HECW1: variants seen among roughly 807,000 people sequenced by gnomAD.
HECW1 encodes the protein E3 ubiquitin-protein ligase HECW1.
A neutral mutation model predicts 182.3 loss-of-function variants in HECW1; 61 were observed. The observed-to-expected ratio is 0.33, with a 90% confidence interval of 0.27 to 0.41. The LOEUF (loss-of-function observed/expected upper bound fraction) is 0.41. HECW1 is among the 10% of genes least tolerant of loss of function. The pLI is 1.00. For missense variants in HECW1, 1,739 were observed against 2,108.9 expected, an observed-to-expected ratio of 0.82 and a Z score of 3.44; for synonymous variants, 859 against 832.6, an observed-to-expected ratio of 1.03 and a Z score of -0.55.
At chr7:43,463,617 C>T (rs2077660413) in intron 13 of HECW1, 43 bp from the exon 14 acceptor site, 3 of 1,589,536 alleles carry the variant, frequency 1.9e-6, no homozygotes, top group East Asian at 4.5e-5. Flanking sequence ...CCCCAAGGAG[C>T]AAACCAAAGT....
chr7:43,403,560 G>T (rs1324389450), intron 7 of HECW1, among the ~76,000 whole-genome samples: 1 of 152,146 alleles, frequency 6.6e-6, no homozygotes, highest in African/African-American at 2.4e-5. Context: ...AGGGCAAAGA[G>T]CTTTTCTTTT....
intron 24 of HECW1, chr7:43,522,495 T>G (rs960704602): frequency 6.6e-6 from 1 of 152,402 alleles, no homozygotes; most frequent in East Asian, 1.9e-4. Flanking sequence ...ATAAGCGGGC[T>G]GCTGGAAGGA....
chr7:43,502,202 T>C (rs1166303253), intron 21 of HECW1, among the ~76,000 whole-genome samples: 1 of 152,228 alleles, frequency 6.6e-6, no homozygotes, highest in East Asian at 1.9e-4. Flanking sequence ...CTAGGAACCA[T>C]TGTTATATCT....
chr7:43,453,465 G>A (rs1040670849), intron 12 of HECW1, among the ~76,000 whole-genome samples: 12 of 152,140 alleles, frequency 7.9e-5, no homozygotes, highest in African/African-American at 2.9e-4. Flanking sequence ...TTGATGGGAA[G>A]GATCCAACAC....
At position 43,444,137 on chromosome 7, in the gene HECW1, G is replaced by C. The variant is rs1398361891; in HGVS notation, c.1046-81G>C. 7.3e-7 allele frequency: 1 copy of C among 1,371,478 alleles called. No individual in the cohort carries two copies. The highest frequency in any genetic ancestry group is 1.0e-6 in the Non-Finnish European group (1 of 1,003,480). 85.0% of individuals were successfully genotyped at this position (1,371,478 alleles called of 1,614,324 possible). ...CCTAATGTAGAAATCCCTTAGTGAT[G>C]GCTTACATGTCCCACAGGGTATCCT... On this transcript the variant is annotated intron_variant, in intron 10 of 29. Coordinates refer to ENST00000395891, the MANE Select transcript of HECW1 (RefSeq NM_015052.5). The surrounding 1 kb of genome is among the most constrained non-coding windows in gnomAD (Gnocchi z 4.3).
intron 24 of HECW1, among the ~76,000 whole-genome samples, chr7:43,517,355 GC>G (rs2080213408): frequency 8.0e-6 from 1 of 125,598 alleles, no homozygotes; most frequent in Non-Finnish European, 1.7e-5. Flanking sequence ...TTCTGCCCCA[GC>G]CCCGACCTCT....
At chr7:43,443,547 C>A (rs2076954116) in intron 10 of HECW1, among the ~76,000 whole-genome samples, 1 of 152,210 alleles carries the variant, frequency 6.6e-6, no homozygotes, top group Admixed American at 6.5e-5. Context: ...TGGGGAATTT[C>A]ACATCTGGCA....
At position 43,240,636 on chromosome 7, in the gene HECW1, A is replaced by G. The variant is rs193184094; in HGVS notation, c.-31-3239A>G. 2.6e-3 allele frequency among the ~76,000 whole-genome samples: 399 copies of G among 152,272 alleles called. 3 individuals carry two copies. Among genetic ancestry groups the G allele is most frequent in the Non-Finnish European group, 3.9e-3 (263 of 68,026 alleles). Reference sequence around the variant, plus strand: ...ATCCTGCTTGGTTCATTTGATTTTTAATAATCCTAACTCTACTCAGGTGAC... The same window carrying G: ...ATCCTGCTTGGTTCATTTGATTTTTGATAATCCTAACTCTACTCAGGTGAC... On this transcript the variant is annotated intron_variant, in intron 2 of 29. Transcript: ENST00000395891.
At chr7:43,160,717 A>G (rs1441248253) in intron 2 of HECW1, among the ~76,000 whole-genome samples, 1 of 152,046 alleles carries the variant, frequency 6.6e-6, no homozygotes, top group Non-Finnish European at 1.5e-5. Flanking sequence ...TCTTTTTTTC[A>G]AAATTTCTTT....
chr7:43,444,589 C>T lies in HECW1; in HGVS notation c.1417C>T (p.Leu473=). 6.2e-7 allele frequency: 1 copy of T among 1,610,952 alleles called. No homozygotes were observed. Among genetic ancestry groups the T allele is most frequent in the South Asian group, 1.1e-5 (1 of 90,470 alleles). Residue 473 remains leucine, a synonymous_variant, in exon 11 of 30, where the codon CTG becomes TTG. Coordinates refer to ENST00000395891, the MANE Select transcript of HECW1 (RefSeq NM_015052.5). This position sits in a 1 kb window ranked among gnomAD's most constrained non-coding sequence, Gnocchi z 4.3. ...GGGTGAGGAGGCATCAGCACTGCTG[C>T]TGGAAGACGGTGAAGCCCCAGCCAG... ...DLGEEASALL[L]EDGEAPASTK... is the part of the protein sequence containing the mutation.
chr7:43,565,582 T>TTATTATTA lies in HECW1; in HGVS notation c.*3657_*3658insATTATTAT, dbSNP rs1563136125. The TTATTATTA allele has an allele frequency of 6.2e-6, 1 of 161,090 alleles. No individual in the cohort carries two copies. Among genetic ancestry groups the TTATTATTA allele is most frequent in the African/African-American group, 2.5e-5 (1 of 40,302 alleles). The allele number at this position is 161,090 out of a possible 1,614,324, so 10.0% of individuals were successfully genotyped here. On this transcript the variant is annotated 3_prime_UTR_variant, in exon 30 of 30. Transcript: ENST00000395891. ...CTTTATTATTATTATTATTATTATTTTTATTATTATTATTATTACGTACTT... is the reference window on the plus strand; with the variant it reads ...CTTTATTATTATTATTATTATTATTTTATTATTATTATTATTATTATTATTACGTACTT...
intron 2 of HECW1, among the ~76,000 whole-genome samples, chr7:43,123,627 G>T (rs1785867419): frequency 6.6e-6 from 1 of 152,196 alleles, no homozygotes. Flanking sequence ...AGTTTCTGTG[G>T]TTTTTGCCTG....
intron 3 of HECW1, among the ~76,000 whole-genome samples, chr7:43,308,850 G>C (rs1808135969): frequency 6.6e-6 from 1 of 152,132 alleles, no homozygotes; most frequent in East Asian, 1.9e-4. Context: ...TTGAACTCCT[G>C]ACCTCAAGTG....
intron 6 of HECW1, 69 bp from the exon 7 acceptor site, chr7:43,396,745 T>C (rs761332667): frequency 2.0e-6 from 2 of 1,002,330 alleles, no homozygotes; most frequent in Non-Finnish European, 3.2e-6. Flanking sequence ...ATAACCATGC[T>C]TGTGTTGAAG....
chr7:43,542,927 A>G (rs2081415119), intron 26 of HECW1, among the ~76,000 whole-genome samples: 1 of 152,234 alleles, frequency 6.6e-6, no homozygotes, highest in East Asian at 1.9e-4. Flanking sequence ...TTTGTGAAGT[A>G]CGTCATACAT....
At chr7:43,426,724 G>A (rs910183501) in intron 8 of HECW1, among the ~76,000 whole-genome samples, 2 of 152,094 alleles carry the variant, frequency 1.3e-5, no homozygotes, top group African/African-American at 2.4e-5. Context: ...TTGGTAAAAT[G>A]TACTTATAAC....
chr7:43,198,792 G>A (rs924773879), intron 2 of HECW1, among the ~76,000 whole-genome samples: 5 of 151,648 alleles, frequency 3.3e-5, no homozygotes, highest in Admixed American at 2.6e-4. Flanking sequence ...CCACACTCAC[G>A]TGCACACACA....
At chr7:43,490,681 G>A (rs924902729) in intron 17 of HECW1, among the ~76,000 whole-genome samples, 1 of 152,120 alleles carries the variant, frequency 6.6e-6, no homozygotes, top group Admixed American at 6.5e-5. Flanking sequence ...GATCAGCAAA[G>A]TTTTCTTTCA....
rs1185181501 is a variant in HECW1 at position 43,247,781 on chromosome 7, GA to G, written c.27+3856del. Among the ~76,000 whole-genome samples, 126 of 118,256 alleles carry G rather than the reference GA, an allele frequency of 1.1e-3. 1 individual carries two copies. The highest frequency in any genetic ancestry group is 4.0e-3 in the African/African-American group (98 of 24,694). 77.6% of individuals were successfully genotyped at this position (118,256 alleles called of 152,430 possible). On this transcript the variant is annotated intron_variant, in intron 3 of 29. Coordinates refer to ENST00000395891, the MANE Select transcript of HECW1 (RefSeq NM_015052.5). ...AGGGAAAGAGAGGAAAAAAGAGAGA[GA>G]AAAAAAGAAAAGAAGGAGGGAAGGA... is the stretch of plus-strand genomic sequence containing the variant.
Sources: allele counts gnomAD v4.1 joint callset (sites outside exome capture counted in the v4.1 genomes callset), GRCh38; gene constraint gnomAD v4.1.1; non-coding constraint Gnocchi (gnomAD v3.1); transcripts MANE v1.5; gene names NCBI Gene and HGNC (gene_info 2026-07-23, HGNC 2026-07-21).